The following ZCCHC7 variants were observed in gnomAD, a reference collection of about 807,000 sequenced individuals.
The protein encoded by ZCCHC7 is zinc finger CCHC domain-containing protein 7.
Under a neutral mutation model 52.0 loss-of-function variants are expected in ZCCHC7, and 35 were observed. The observed-to-expected ratio is 0.67, with a 90% confidence interval of 0.51 to 0.89. ZCCHC7 has a LOEUF of 0.89. Among genes scored for constraint, ZCCHC7 ranks in the 40% least tolerant of loss-of-function variants. ZCCHC7 has a pLI of 0.00. For missense variants in ZCCHC7, 574 were observed against 649.1 expected (o/e 0.88, Z 1.26); for synonymous variants, 217 against 221.5 (o/e 0.98, Z 0.18).
intron 7 of ZCCHC7, among the ~76,000 whole-genome samples, chr9:37,350,046 C>T (rs1272528776): frequency 1.3e-5 from 2 of 152,018 alleles, no homozygotes; most frequent in East Asian, 1.9e-4. Flanking sequence ...CCTTGGCCTC[C>T]CAAAGTTCTG....
intron 6 of ZCCHC7, among the ~76,000 whole-genome samples, chr9:37,348,388 T>G (rs1300376867): frequency 1.3e-5 from 2 of 150,440 alleles, no homozygotes; most frequent in Middle Eastern, 3.2e-3. Context: ...CTTTCTTTCT[T>G]TCTTTTTTGA....
At chr9:37,309,546 C>T (rs1829495268) in intron 5 of ZCCHC7, among the ~76,000 whole-genome samples, 1 of 152,196 alleles carries the variant, frequency 6.6e-6, no homozygotes. Flanking sequence ...CTCTACCATT[C>T]TTTGTCATTT....
intron 2 of ZCCHC7, among the ~76,000 whole-genome samples, chr9:37,136,594 A>G (rs896826253): frequency 1.3e-5 from 2 of 152,086 alleles, no homozygotes; most frequent in Non-Finnish European, 1.5e-5. Context: ...GGTAGCTGAG[A>G]CTGCAGATGT....
chr9:37,234,234 T>C (rs761273349), intron 2 of ZCCHC7, among the ~76,000 whole-genome samples: 3 of 152,194 alleles, frequency 2.0e-5, no homozygotes, highest in Non-Finnish European at 4.4e-5. Flanking sequence ...TCATTCTAGA[T>C]CTATTCTAGA....
chr9:37,224,262 A>G (rs1437089072), intron 2 of ZCCHC7, among the ~76,000 whole-genome samples: 1 of 152,168 alleles, frequency 6.6e-6, no homozygotes, highest in Non-Finnish European at 1.5e-5. Flanking sequence ...CATTAGCTCC[A>G]TGTACTGGTA....
chr9:37,249,324 A>G (rs77191316), intron 2 of ZCCHC7, among the ~76,000 whole-genome samples: 2 of 152,024 alleles, frequency 1.3e-5, no homozygotes, highest in Non-Finnish European at 2.9e-5. Flanking sequence ...ACTTGATCCT[A>G]TTCTCTTTAT....
intron 2 of ZCCHC7, among the ~76,000 whole-genome samples, chr9:37,197,534 TTTG>T (rs1823352991): frequency 6.6e-6 from 1 of 152,176 alleles, no homozygotes; most frequent in Non-Finnish European, 1.5e-5. Flanking sequence ...TGTTTTTTAT[TTTG>T]GAAACGAAAA....
At chr9:37,204,356 G>A (rs146883767) in intron 2 of ZCCHC7, among the ~76,000 whole-genome samples, 149 of 152,148 alleles carry the variant, frequency 9.8e-4, no homozygotes, top group Middle Eastern at 3.4e-3. Context: ...ATTGCTTTTG[G>A]CGATTTCATC....
chr9:37,319,566 G>A (rs980104408), intron 5 of ZCCHC7, among the ~76,000 whole-genome samples: 18 of 151,894 alleles, frequency 1.2e-4, no homozygotes, highest in African/African-American at 3.1e-4. Flanking sequence ...TTGTTGGGAC[G>A]ACAGGCACGT....
intron 2 of ZCCHC7, among the ~76,000 whole-genome samples, chr9:37,255,950 C>CT (rs1826566579): frequency 6.6e-6 from 1 of 152,140 alleles, no homozygotes; most frequent in Non-Finnish European, 1.5e-5. Context: ...ACAGATTTTT[C>CT]TTTACTTCTT....
intron 6 of ZCCHC7, among the ~76,000 whole-genome samples, chr9:37,331,558 G>A (rs1355591455): frequency 6.6e-6 from 1 of 151,526 alleles, no homozygotes; most frequent in Non-Finnish European, 1.5e-5. Flanking sequence ...ATAAGAAGGT[G>A]GTTTTGGTTC....
chr9:37,275,564 A>G (rs1257634940), intron 2 of ZCCHC7, among the ~76,000 whole-genome samples: 2 of 152,118 alleles, frequency 1.3e-5, no homozygotes, highest in Non-Finnish European at 2.9e-5. Flanking sequence ...TTCAGGTAAT[A>G]CATGTAGGAG....
At position 37,134,872 on chromosome 9, in the gene ZCCHC7, T is replaced by C. The variant is rs921076063; in HGVS notation, c.610+7930T>C. 2.0e-5 allele frequency among the ~76,000 whole-genome samples: 3 copies of C among 152,148 alleles called. No homozygotes were observed. In the South Asian group the frequency reaches 6.2e-4, roughly 32 times the overall value. ...TCCCGAGTAGCTAGGATTACAGGCA[T>C]GTGCCACCATGCCCAGCTAATTTTT... On this transcript the variant is annotated intron_variant, in intron 2 of 8. Transcript: ENST00000336755.
At chr9:37,222,330 T>A (rs1156751967) in intron 2 of ZCCHC7, among the ~76,000 whole-genome samples, 21 of 24,564 alleles carry the variant, frequency 8.5e-4, no homozygotes, top group Admixed American at 5.2e-3. Context: ...AATAACAGAG[T>A]GTGTGTGTGT....
At chr9:37,150,777 G>T (rs1820476186) in intron 2 of ZCCHC7, among the ~76,000 whole-genome samples, 1 of 152,052 alleles carries the variant, frequency 6.6e-6, no homozygotes, top group African/African-American at 2.4e-5. Flanking sequence ...TATGAAGTTT[G>T]TTTTATGAGT....
chr9:37,150,491 C>T (rs187503620), intron 2 of ZCCHC7, among the ~76,000 whole-genome samples: 8 of 152,108 alleles, frequency 5.3e-5, no homozygotes, highest in African/African-American at 1.7e-4. Flanking sequence ...AGTGATTGCC[C>T]TTGATGTATT....
chr9:37,140,107 G>A (rs1396535803), intron 2 of ZCCHC7, among the ~76,000 whole-genome samples: 2 of 151,954 alleles, frequency 1.3e-5, no homozygotes, highest in Non-Finnish European at 1.5e-5. Flanking sequence ...AAGAGAAGAT[G>A]TGCAACCACA....
intron 2 of ZCCHC7, among the ~76,000 whole-genome samples, chr9:37,205,548 G>A (rs1358793391): frequency 2.0e-5 from 3 of 152,098 alleles, no homozygotes; most frequent in Admixed American, 6.5e-5. Context: ...ACGGAGTCTC[G>A]CTCAGTCGCC....
At chr9:37,228,305 T>C (rs990199545) in intron 2 of ZCCHC7, among the ~76,000 whole-genome samples, 4 of 152,178 alleles carry the variant, frequency 2.6e-5, no homozygotes, top group Non-Finnish European at 4.4e-5. Flanking sequence ...TGTGTAGATA[T>C]TACATTATAA....
Sources: allele counts gnomAD v4.1 joint callset (sites outside exome capture counted in the v4.1 genomes callset), GRCh38; gene constraint gnomAD v4.1.1; transcripts MANE v1.5; gene names NCBI Gene and HGNC (gene_info 2026-07-23, HGNC 2026-07-21).